The following ACOT13 variants were observed in gnomAD, a reference collection of about 807,000 sequenced individuals.
The protein encoded by ACOT13 is acyl-coenzyme A thioesterase 13.
Under a neutral mutation model 11.8 loss-of-function variants are expected in ACOT13, and 10 were observed. The observed-to-expected ratio is 0.85, with a 90% CI of 0.53 to 1.44. The LOEUF (loss-of-function observed/expected upper bound fraction) is 1.44, where lower values mean the gene tolerates loss of function less well. Among genes scored for constraint, ACOT13 ranks in the 40% most tolerant of loss-of-function variants. ACOT13 has a pLI of 0.00. For missense variants in ACOT13, 172 were observed against 174.1 expected, an observed-to-expected ratio of 0.99 and a Z score of 0.07; for synonymous variants, 53 against 61.0, an observed-to-expected ratio of 0.87 and a Z score of 0.61.
Position 24,702,957 on chromosome 6 carries a change from G to A in ACOT13, c.*1342G>A. ...CTCAGGCTGGAGTGATACAATCACA[G>A]CTTCCCATAGCCTCAAAATCCCAGG... On this transcript the variant is annotated 3_prime_UTR_variant, in exon 3 of 3. Coordinates refer to ENST00000230048, the MANE Select transcript of ACOT13 (RefSeq NM_018473.4). 6.6e-6 allele frequency: 1 copy of A among 152,252 alleles called. No individual in the cohort carries two copies. Among genetic ancestry groups the A allele is most frequent in the African/African-American group, 2.4e-5 (1 of 41,458 alleles). 9.4% of individuals were successfully genotyped at this position (152,252 alleles called of 1,614,324 possible).
intron 1 of ACOT13, among the ~76,000 whole-genome samples, chr6:24,669,111 C>T (rs1183152945): frequency 1.3e-5 from 2 of 152,170 alleles, no homozygotes; most frequent in Non-Finnish European, 2.9e-5. Flanking sequence ...AAATTTGAGA[C>T]AGGTATCAGT....
chr6:24,677,026 A>C (rs552862550), intron 1 of ACOT13, among the ~76,000 whole-genome samples: 2 of 152,332 alleles, frequency 1.3e-5, no homozygotes, highest in East Asian at 3.9e-4. Context: ...TTAGTTCTGC[A>C]TGCTGAGCAC....
chr6:24,682,742 G>A (rs7451368), intron 1 of ACOT13, among the ~76,000 whole-genome samples: 1 of 152,010 alleles, frequency 6.6e-6, no homozygotes, highest in Non-Finnish European at 1.5e-5. Flanking sequence ...CGAAAGCTCA[G>A]CTCGAGCCAT....
intron 1 of ACOT13, among the ~76,000 whole-genome samples, chr6:24,690,331 A>G (rs1219492005): frequency 6.6e-6 from 1 of 152,196 alleles, no homozygotes; most frequent in African/African-American, 2.4e-5. Context: ...TCCTCAATCT[A>G]TGGAAGACAG....
At chr6:24,681,560 GTCTCTCCCTCTCTCTCCGTC>G (rs1242003763) in intron 1 of ACOT13, among the ~76,000 whole-genome samples, 3 of 99,664 alleles carry the variant, frequency 3.0e-5, no homozygotes, top group East Asian at 6.6e-4. Flanking sequence ...CTCTCTCTCC[GTCTCTCCCTCTCTCTCCGTC>G]TCTCTCTCTC....
intron 2 of ACOT13, among the ~76,000 whole-genome samples, chr6:24,698,670 T>TC (rs1436912539): frequency 6.7e-6 from 1 of 148,856 alleles, no homozygotes; most frequent in African/African-American, 2.5e-5. Flanking sequence ...ACACGGAGTC[T>TC]CCCCATCACC....
At chr6:24,687,368 G>A in intron 1 of ACOT13, 16 of 1,068,128 alleles carry the variant, frequency 1.5e-5, no homozygotes, top group Non-Finnish European at 1.8e-5. Context: ...ACATTATCGT[G>A]TTTAAGTTAG....
intron 1 of ACOT13, among the ~76,000 whole-genome samples, chr6:24,670,849 A>G (rs1231569061): frequency 6.6e-6 from 1 of 152,122 alleles, no homozygotes. Flanking sequence ...GTTAATTCCT[A>G]TTCTGCTTGA....
intron 1 of ACOT13, among the ~76,000 whole-genome samples, chr6:24,696,085 AAAC>A (rs996053647): frequency 1.3e-5 from 2 of 152,158 alleles, no homozygotes; most frequent in Non-Finnish European, 2.9e-5. Flanking sequence ...AAAAAACAAA[AAAC>A]AAAAAACCCA....
At chr6:24,668,669 T>C (rs1778305703) in intron 1 of ACOT13, among the ~76,000 whole-genome samples, 1 of 152,230 alleles carries the variant, frequency 6.6e-6, no homozygotes, top group Non-Finnish European at 1.5e-5. Context: ...CAATTGGCTG[T>C]GAAAAGCAAC....
intron 1 of ACOT13, among the ~76,000 whole-genome samples, chr6:24,673,413 T>G (rs1296910885): frequency 6.6e-6 from 1 of 152,174 alleles, no homozygotes; most frequent in Non-Finnish European, 1.5e-5. Flanking sequence ...CAGTTTGGAG[T>G]GCACTGGTGC....
At position 24,702,538 on chromosome 6, in the gene ACOT13, G is replaced by A. The variant is rs534629915; in HGVS notation, c.*923G>A. ...TTGGGATTTTAACATACAAATTTAG[G>A]GGAAACACATGGAGACCACAGCAAT... is the stretch of plus-strand genomic sequence containing the variant. On this transcript the variant is annotated 3_prime_UTR_variant, in exon 3 of 3. Transcript: ENST00000230048. The A allele has an allele frequency of 6.6e-6, 1 of 152,160 alleles. No homozygotes were observed. The highest frequency in any genetic ancestry group is 2.4e-5 in the African/African-American group (1 of 41,528). The allele number at this position is 152,160 out of a possible 1,614,324, so 9.4% of individuals were successfully genotyped here.
rs17243150 is a variant in ACOT13, at chr6:24,667,176, GTCC to G, written c.-83_-81del. ...AGGGTGCGGGCTCTTCGCCCTTTGT[GTCC>G]TCCTTCTTTCACTAACTTCTGGACT... On this transcript the variant is annotated 5_prime_UTR_variant, in exon 1 of 3. Coordinates refer to ENST00000230048, the MANE Select transcript of ACOT13 (RefSeq NM_018473.4). 59,340 of 1,374,008 alleles carry G rather than the reference GTCC, an allele frequency of 0.043. 1,573 individuals are homozygous for G. The highest frequency in any genetic ancestry group is 0.097 in the African/African-American group (6,789 of 69,928). 85.1% of individuals were successfully genotyped at this position (1,374,008 alleles called of 1,614,324 possible). A position where few individuals can be genotyped will look rare whatever the true frequency, so the allele number is the denominator to read the frequency against.
intron 2 of ACOT13, among the ~76,000 whole-genome samples, chr6:24,698,991 A>C (rs574970710): frequency 6.6e-6 from 1 of 152,320 alleles, no homozygotes; most frequent in East Asian, 1.9e-4. Flanking sequence ...ATCAGGGAAC[A>C]GTGCCCCTCA....
intron 1 of ACOT13, chr6:24,687,548 A>G: frequency 7.1e-7 from 1 of 1,412,610 alleles, no homozygotes. Flanking sequence ...TCTTTATGGA[A>G]ATGAGTGATG....
At chr6:24,684,970 C>T (rs1778606191) in intron 1 of ACOT13, among the ~76,000 whole-genome samples, 1 of 152,178 alleles carries the variant, frequency 6.6e-6, no homozygotes, top group Admixed American at 6.5e-5. Flanking sequence ...TATGATTGTA[C>T]CACTGCACTC....
At chr6:24,676,373 C>G (rs1363013099) in intron 1 of ACOT13, among the ~76,000 whole-genome samples, 4 of 152,018 alleles carry the variant, frequency 2.6e-5, no homozygotes, top group Admixed American at 2.6e-4. Context: ...GAATGTTCTT[C>G]CATTTGTTTG....
intron 1 of ACOT13, among the ~76,000 whole-genome samples, chr6:24,686,540 T>C (rs112909413): frequency 0.013 from 1,933 of 151,622 alleles, 33 homozygotes; most frequent in African/African-American, 0.034. Flanking sequence ...ACTCTTTTTT[T>C]TCTTTTCTTT....
At chr6:24,696,566 C>T (rs553174746) in intron 1 of ACOT13, among the ~76,000 whole-genome samples, 1 of 152,270 alleles carries the variant, frequency 6.6e-6, no homozygotes, top group Non-Finnish European at 1.5e-5. Context: ...ACAACAGACA[C>T]ACCAAATACT....
Sources: gnomAD v4.1 joint callset for allele counts (sites outside exome capture counted in the v4.1 genomes callset) on GRCh38, gnomAD v4.1.1 for gene constraint, MANE v1.5 for transcripts, NCBI Gene and HGNC (gene_info 2026-07-23, HGNC 2026-07-21) for gene names.